Variants in SLC25A37 observed in about 807,000 individuals in gnomAD.
SLC25A37 encodes the protein solute carrier family 25 member 37.
SLC25A37 carries 17 observed loss-of-function variants against 31.0 expected under a neutral mutation model. The observed-to-expected ratio is 0.55, with a 90% CI of 0.38 to 0.82. The LOEUF (loss-of-function observed/expected upper bound fraction) is 0.82, where lower values mean the gene tolerates loss of function less well. Among genes scored for constraint, SLC25A37 ranks in the 40% least tolerant of loss-of-function variants. SLC25A37 has a pLI of 0.00. For synonymous variants in SLC25A37, 222 were observed against 193.0 expected, an observed-to-expected ratio of 1.15 and a Z score of -1.24; for missense variants, 404 against 465.8, an observed-to-expected ratio of 0.87 and a Z score of 1.22.
chr8:23,568,626 C>T (rs1383682554), intron 3 of SLC25A37: 2 of 515,822 alleles, frequency 3.9e-6, no homozygotes, highest in African/African-American at 1.9e-5. Flanking sequence ...CAGCATCAGA[C>T]ATCTTGAGGG....
At chr8:23,533,151 T>G (rs1457589546) in intron 1 of SLC25A37, among the ~76,000 whole-genome samples, 2 of 152,196 alleles carry the variant, frequency 1.3e-5, no homozygotes, top group African/African-American at 2.4e-5. Context: ...GTTCCTTGTT[T>G]CATGAACCCC....
intron 2 of SLC25A37, 145 bp downstream of exon 2, chr8:23,566,481 C>G: frequency 6.9e-7 from 1 of 1,440,286 alleles, no homozygotes; most frequent in South Asian, 1.5e-5. Context: ...GTGCAATGCA[C>G]ACCCAGACAC....
chr8:23,563,506 A>G (rs1802568988), intron 1 of SLC25A37, among the ~76,000 whole-genome samples: 2 of 152,234 alleles, frequency 1.3e-5, no homozygotes, highest in Admixed American at 6.5e-5. Flanking sequence ...ATCTTATTAA[A>G]TCAGATCAAA....
rs1172253396 is a variant in SLC25A37, at chr8:23,529,687, C to G, written c.210+475C>G. 6.6e-6 allele frequency among the ~76,000 whole-genome samples: 1 copy of G among 152,202 alleles called. No homozygotes were observed. ...AACGTGTGGCCCTGGCCCGGCCGCG[C>G]GCCCTCGGGACTTGGTGTGTGGCTG... On this transcript the variant is annotated intron_variant, in intron 1 of 3. Coordinates refer to ENST00000519973, the MANE Select transcript of SLC25A37 (RefSeq NM_016612.4). This position sits in a 1 kb window ranked among gnomAD's most constrained non-coding sequence, Gnocchi z 4.1.
In SLC25A37 at chr8:23,540,311, C is replaced by T. The variant is rs776627530; in HGVS notation, c.210+11099C>T. On this transcript the variant is annotated intron_variant, in intron 1 of 3. Transcript: ENST00000519973. ...GCCAGTAGGATGTTGGATGCAGACT[C>T]AGATGTTAATGGCAGCAGAGCCCTT... 1.5e-4 allele frequency among the ~76,000 whole-genome samples: 23 copies of T among 152,236 alleles called. No individual in the cohort carries two copies. The Middle Eastern group carries it at 0.01, about 68-fold the overall frequency.
chr8:23,571,949 G>C lies in SLC25A37; in HGVS notation c.*94G>C. On this transcript the variant is annotated 3_prime_UTR_variant, in exon 4 of 4. Coordinates refer to ENST00000519973, the MANE Select transcript of SLC25A37 (RefSeq NM_016612.4). The stretch of plus-strand genomic sequence containing the variant: ...ACACGTAGATCATTTTTTTTTTGCA[G>C]GGTGCTGCCTATGGGCCCTCTGCTC... 1.5e-6 allele frequency: 2 copies of C among 1,346,106 alleles called. No homozygotes were observed. The highest frequency in any genetic ancestry group is 2.0e-6 in the Non-Finnish European group (2 of 981,352). 83.4% of individuals were successfully genotyped at this position (1,346,106 alleles called of 1,614,324 possible).
chr8:23,569,947 T>G (rs1045194513), intron 3 of SLC25A37, among the ~76,000 whole-genome samples: 1 of 152,210 alleles, frequency 6.6e-6, no homozygotes, highest in Non-Finnish European at 1.5e-5. Flanking sequence ...TTTCAACATT[T>G]TAAGTCTCAT....
chr8:23,548,281 C>T (rs56276984), intron 1 of SLC25A37, among the ~76,000 whole-genome samples: 29,679 of 152,002 alleles, frequency 0.2, 4,707 homozygotes, highest in African/African-American at 0.42. Flanking sequence ...CGGGTTCAAG[C>T]GATTCTCCTG....
At chr8:23,568,981 C>A (rs1474541209) in intron 3 of SLC25A37, 1 of 150,264 alleles carries the variant, frequency 6.7e-6, no homozygotes, top group East Asian at 2.0e-4. Context: ...AATGCTAATT[C>A]TGGCCGGCAT....
In SLC25A37 at chr8:23,528,968, C is replaced by G; in HGVS notation, c.-35C>G. On this transcript the variant is annotated 5_prime_UTR_variant, in exon 1 of 4. Transcript: ENST00000519973. ...TGCGCCCCTCCCCCTCCCTGCCCAC[C>G]TCCTGCAGCCTCCTGCGCCCCGCCG... 7.0e-7 allele frequency: 1 copy of G among 1,434,584 alleles called. No homozygotes were observed. The highest frequency in any genetic ancestry group is 2.9e-5 in the East Asian group (1 of 34,900). 88.9% of individuals were successfully genotyped at this position (1,434,584 alleles called of 1,614,324 possible). A position where few individuals can be genotyped will look rare whatever the true frequency, so the allele number is the denominator to read the frequency against.
chr8:23,572,352 G>A lies in SLC25A37; in HGVS notation c.*497G>A, dbSNP rs1585209463. The A allele has an allele frequency of 6.6e-6, 1 of 152,608 alleles. No homozygotes were observed. The highest frequency in any genetic ancestry group is 6.5e-5 in the Admixed American group (1 of 15,452). The allele number at this position is 152,608 out of a possible 1,614,324, so 9.5% of individuals were successfully genotyped here. On this transcript the variant is annotated 3_prime_UTR_variant, in exon 4 of 4. Coordinates refer to ENST00000519973, the MANE Select transcript of SLC25A37 (RefSeq NM_016612.4). The stretch of plus-strand genomic sequence containing the variant: ...TTTGAATTTGTGTGTGTGCTTGTGC[G>A]TGTCTACACCTAGTATTACGGCTGG...
intron 1 of SLC25A37, among the ~76,000 whole-genome samples, chr8:23,558,438 G>A (rs889099652): frequency 3.9e-5 from 6 of 152,180 alleles, no homozygotes; most frequent in Non-Finnish European, 7.4e-5. Flanking sequence ...CAGGGGCTGG[G>A]CTGGATGTGG....
chr8:23,560,099 A>G (rs1291686715), intron 1 of SLC25A37, among the ~76,000 whole-genome samples: 2 of 152,072 alleles, frequency 1.3e-5, no homozygotes, highest in African/African-American at 2.4e-5. Context: ...CAACATAGTA[A>G]GACCCAGTCT....
At chr8:23,534,743 T>A (rs745391642) in intron 1 of SLC25A37, among the ~76,000 whole-genome samples, 19 of 152,334 alleles carry the variant, frequency 1.2e-4, no homozygotes, top group African/African-American at 1.9e-4. Flanking sequence ...GAAGAGATGG[T>A]ACCGATCTCC....
Position 23,529,074 on chromosome 8 carries a change from C to T in SLC25A37, c.72C>T (p.Gly24=). Residue 24 remains glycine (G), a synonymous_variant, in exon 1 of 4, where the codon GGC becomes GGT. Coordinates refer to ENST00000519973, the MANE Select transcript of SLC25A37 (RefSeq NM_016612.4). The surrounding 1 kb of genome is among the most constrained non-coding windows in gnomAD (Gnocchi z 4.1). Reference sequence around the variant, plus strand: ...GGATGGATGGGGACAGCCGAGATGGCGGCGGCGGCAAGGACGCCACCGGGT... The same window carrying T: ...GGATGGATGGGGACAGCCGAGATGGTGGCGGCGGCAAGGACGCCACCGGGT... ...ARRMDGDSRD[G]GGGKDATGSE... 1.3e-6 allele frequency: 2 copies of T among 1,594,154 alleles called. No homozygotes were observed. The highest frequency in any genetic ancestry group is 1.7e-5 in the Admixed American group (1 of 57,220).
At chr8:23,552,640 A>G (rs1172196216) in intron 1 of SLC25A37, among the ~76,000 whole-genome samples, 1 of 152,224 alleles carries the variant, frequency 6.6e-6, no homozygotes, top group South Asian at 2.1e-4. Flanking sequence ...CCCCTTCCCC[A>G]TGGCACCTAG....
chr8:23,546,531 G>GTATATATATATATATATATAGTGTA (rs1802049747), intron 1 of SLC25A37, among the ~76,000 whole-genome samples: 3 of 36,436 alleles, frequency 8.2e-5, no homozygotes, highest in East Asian at 1.4e-3. Flanking sequence ...ATATATAGGT[G>GTATATATATATATATATATAGTGTA]TATATATATA....
At chr8:23,550,946 C>T (rs1047789062) in intron 1 of SLC25A37, among the ~76,000 whole-genome samples, 20 of 152,214 alleles carry the variant, frequency 1.3e-4, no homozygotes, top group African/African-American at 4.8e-4. Flanking sequence ...GCTGTTGCCC[C>T]CAGGGCTGGT....
intron 1 of SLC25A37, among the ~76,000 whole-genome samples, chr8:23,539,979 C>G (rs1801856659): frequency 6.6e-6 from 1 of 152,228 alleles, no homozygotes; most frequent in African/African-American, 2.4e-5. Context: ...AATGTTAAGG[C>G]ACATGGCAAA....
Sources: gnomAD v4.1 joint callset for allele counts (sites outside exome capture counted in the v4.1 genomes callset) on GRCh38, gnomAD v4.1.1 for gene constraint, Gnocchi (gnomAD v3.1) non-coding constraint, MANE v1.5 for transcripts, NCBI Gene and HGNC (gene_info 2026-07-23, HGNC 2026-07-21) for gene names.